The following DOCK2 variants were observed in gnomAD, a reference collection of about 807,000 sequenced individuals.
DOCK2 encodes dedicator of cytokinesis 2.
Under a neutral mutation model 248.9 loss-of-function variants are expected in DOCK2, and 87 were observed. The ratio of observed to expected loss-of-function variants is 0.35; its 90% CI spans 0.29 to 0.42. The LOEUF (loss-of-function observed/expected upper bound fraction) is 0.42, where lower values mean the gene tolerates loss of function less well. Ranked by LOEUF, DOCK2 falls within the 10% of genes least tolerant of loss-of-function variation. The probability of loss-of-function intolerance (pLI) is 1.00; values close to 1 mark genes in which losing one functional copy is unlikely to be tolerated. For synonymous variants in DOCK2, 805 were observed against 821.6 expected, an observed-to-expected ratio of 0.98 and a Z score of 0.35; for missense variants, 1,747 against 2,300.2, an observed-to-expected ratio of 0.76 and a Z score of 4.92.
At chr5:169,906,155 T>C (rs1422656583) in intron 27 of DOCK2, among the ~76,000 whole-genome samples, 1 of 152,206 alleles carries the variant, frequency 6.6e-6, no homozygotes, top group Non-Finnish European at 1.5e-5. Flanking sequence ...AAATCCTCAA[T>C]GAGCGATTAC....
At chr5:170,010,277 C>T (rs1347139583) in intron 32 of DOCK2, among the ~76,000 whole-genome samples, 1 of 152,152 alleles carries the variant, frequency 6.6e-6, no homozygotes, top group African/African-American at 2.4e-5. Flanking sequence ...GCCACCTCTA[C>T]CCTGTTTTTC....
At chr5:170,017,816 G>A (rs1027764042) in intron 32 of DOCK2, among the ~76,000 whole-genome samples, 1 of 152,226 alleles carries the variant, frequency 6.6e-6, no homozygotes, top group African/African-American at 2.4e-5. Context: ...TAACCACTGG[G>A]CAACACTGCC....
At chr5:170,082,661 C>A in intron 51 of DOCK2, 135 bp from the exon 52 acceptor site, 1 of 1,119,310 alleles carries the variant, frequency 8.9e-7, no homozygotes, top group Non-Finnish European at 1.3e-6. Context: ...AAGCCAAGGG[C>A]ATAGCAGCTC....
intron 27 of DOCK2, among the ~76,000 whole-genome samples, chr5:169,859,547 G>A (rs1771067693): frequency 6.6e-6 from 1 of 152,252 alleles, no homozygotes; most frequent in Non-Finnish European, 1.5e-5. Flanking sequence ...CATACAGCAA[G>A]TTGCCTTGAG....
At chr5:169,919,828 G>A (rs1341272403) in intron 27 of DOCK2, among the ~76,000 whole-genome samples, 1 of 152,192 alleles carries the variant, frequency 6.6e-6, no homozygotes, top group Non-Finnish European at 1.5e-5. Context: ...AGGACCTGAA[G>A]TTAAATTTGA....
intron 27 of DOCK2, among the ~76,000 whole-genome samples, chr5:169,885,719 A>G (rs752913196): frequency 4.6e-5 from 7 of 152,266 alleles, no homozygotes; most frequent in Non-Finnish European, 7.3e-5. Context: ...TTTCCAAGCC[A>G]TAACTCATTC....
chr5:169,889,342 T>C (rs777037969), intron 27 of DOCK2, among the ~76,000 whole-genome samples: 17 of 152,206 alleles, frequency 1.1e-4, no homozygotes, highest in Non-Finnish European at 2.1e-4. Flanking sequence ...TTTAATTTGG[T>C]TAAACTTTAT....
intron 27 of DOCK2, among the ~76,000 whole-genome samples, chr5:169,887,520 G>A (rs948664553): frequency 6.6e-6 from 1 of 152,150 alleles, no homozygotes; most frequent in Non-Finnish European, 1.5e-5. Context: ...TTTGTTCACT[G>A]AACAACCTGG....
intron 6 of DOCK2, among the ~76,000 whole-genome samples, chr5:169,679,053 C>T (rs1759502922): frequency 6.6e-6 from 1 of 152,028 alleles, no homozygotes; most frequent in African/African-American, 2.4e-5. Flanking sequence ...TTTGTCCAGA[C>T]AGCAATGGGG....
chr5:169,846,432 T>A (rs1770308809), intron 27 of DOCK2, among the ~76,000 whole-genome samples: 1 of 152,168 alleles, frequency 6.6e-6, no homozygotes, highest in Non-Finnish European at 1.5e-5. Flanking sequence ...AAGGGAATTT[T>A]GCAAAAATAA....
chr5:169,820,759 G>A (rs532209684), intron 26 of DOCK2, among the ~76,000 whole-genome samples: 32 of 152,348 alleles, frequency 2.1e-4, no homozygotes, highest in Non-Finnish European at 4.0e-4. Flanking sequence ...AAGGAACAAA[G>A]CTGGACAGAG....
intron 46 of DOCK2, 80 bp from the exon 47 acceptor site, chr5:170,075,867 G>T: frequency 6.4e-7 from 1 of 1,568,954 alleles, no homozygotes; most frequent in Non-Finnish European, 8.7e-7. Flanking sequence ...AGACTTGACT[G>T]CAGCTGCCTT....
Position 169,814,776 on chromosome 5 carries a change from G to A in DOCK2, c.2703+11570G>A, listed in dbSNP as rs555295831. Among the ~76,000 whole-genome samples the A allele has an allele frequency of 1.9e-3, 296 of 152,220 alleles. 1 individual carries two copies. Among genetic ancestry groups the A allele is most frequent in the African/African-American group, 6.8e-3 (284 of 41,536 alleles). On this transcript the variant is annotated intron_variant, in intron 26 of 51. Coordinates refer to ENST00000520908, the MANE Select transcript of DOCK2 (RefSeq NM_004946.3). ...GGTTGAAGGTGAACAGTTCTGTCAA[G>A]TATACTTATTTCTATGTGAAGGGAA...
intron 22 of DOCK2, among the ~76,000 whole-genome samples, chr5:169,746,443 C>G (rs117508809): frequency 1.3e-5 from 2 of 152,102 alleles, no homozygotes; most frequent in African/African-American, 2.4e-5. Flanking sequence ...AGGAAAGCAC[C>G]TTTGCCAAGG....
intron 27 of DOCK2, among the ~76,000 whole-genome samples, chr5:169,901,442 T>G (rs1040204094): frequency 6.6e-6 from 1 of 152,152 alleles, no homozygotes; most frequent in Admixed American, 6.5e-5. Context: ...TGGGCATGCA[T>G]GCGTGCATGT....
Position 169,746,443 on chromosome 5 carries a change from C to T in DOCK2, c.2268-953C>T, listed in dbSNP as rs117508809. Among the ~76,000 whole-genome samples, 1,241 of 152,216 alleles carry T rather than the reference C, an allele frequency of 8.2e-3. 46 individuals are homozygous for T. Among genetic ancestry groups the T allele is most frequent in the Admixed American group, 0.069 (1,054 of 15,284 alleles). ...GTCAGTGCTTTATCTAGGAAAGCAC[C>T]TTTGCCAAGGCCCGGGCACACTGAG... is the stretch of plus-strand genomic sequence containing the variant. On this transcript the variant is annotated intron_variant, in intron 22 of 51. Transcript: ENST00000520908.
At chr5:169,668,202 T>A (rs964979714) in intron 2 of DOCK2, among the ~76,000 whole-genome samples, 1 of 152,228 alleles carries the variant, frequency 6.6e-6, no homozygotes, top group Non-Finnish European at 1.5e-5. Flanking sequence ...AAGGGCTTAA[T>A]ATATAAAGAG....
intron 44 of DOCK2, among the ~76,000 whole-genome samples, chr5:170,061,500 A>T (rs146218070): frequency 6.6e-6 from 1 of 152,360 alleles, no homozygotes; most frequent in East Asian, 1.9e-4. Context: ...CTTCATTATC[A>T]TGATCATTAC....
At chr5:169,762,196 T>A (rs187641495) in intron 25 of DOCK2, among the ~76,000 whole-genome samples, 1 of 152,318 alleles carries the variant, frequency 6.6e-6, no homozygotes, top group Non-Finnish European at 1.5e-5. Flanking sequence ...CTAATCCCAG[T>A]CCCTTCTCTG....
Sources: allele counts gnomAD v4.1 joint callset (sites outside exome capture counted in the v4.1 genomes callset), GRCh38; gene constraint gnomAD v4.1.1; transcripts MANE v1.5; gene names NCBI Gene and HGNC (gene_info 2026-07-23, HGNC 2026-07-21).